Variants in PIKFYVE observed in about 807,000 individuals in gnomAD.
PIKFYVE encodes phosphoinositide kinase, FYVE-type zinc finger containing, also known as 1-phosphatidylinositol 3-phosphate 5-kinase.
A neutral mutation model predicts 257.9 loss-of-function variants in PIKFYVE; 122 were observed. The ratio of observed to expected loss-of-function variants is 0.47; its 90% CI spans 0.41 to 0.55. The LOEUF (loss-of-function observed/expected upper bound fraction) is 0.55. PIKFYVE is among the 20% of genes least tolerant of loss of function. The probability of loss-of-function intolerance (pLI) is 0.00; values close to 1 mark genes in which losing one functional copy is unlikely to be tolerated. For synonymous variants in PIKFYVE, 892 were observed against 868.9 expected (o/e 1.03, Z -0.47); for missense variants, 2,160 against 2,536.6 (o/e 0.85, Z 3.19).
chr2:208,277,713 A>G lies in PIKFYVE; in HGVS notation c.613+5A>G. 1 of 1,613,344 alleles carries G rather than the reference A, an allele frequency of 6.2e-7. No individual in the cohort carries two copies. Among genetic ancestry groups the G allele is most frequent in the Non-Finnish European group, 8.5e-7 (1 of 1,179,316 alleles). On this transcript the variant is annotated splice_donor_5th_base_variant and intron_variant, in intron 5 of 41. Transcript: ENST00000264380. ...GAAAATTTATGGGCTATACAGGTAA[A>G]TGCATTTTATTGCCAGTTTACAATT...
At chr2:208,312,565 T>C (rs1010560248) in intron 13 of PIKFYVE, among the ~76,000 whole-genome samples, 3 of 152,218 alleles carry the variant, frequency 2.0e-5, no homozygotes, top group African/African-American at 7.2e-5. Flanking sequence ...CTTAATTCTT[T>C]TAAAGACATA....
intron 29 of PIKFYVE, among the ~76,000 whole-genome samples, chr2:208,339,051 A>G (rs1025865962): frequency 1.3e-5 from 2 of 152,146 alleles, no homozygotes; most frequent in African/African-American, 2.4e-5. Flanking sequence ...TTCTATTATA[A>G]TTGCTTTTTC....
At chr2:208,286,759 A>G (rs1691628638) in intron 6 of PIKFYVE, among the ~76,000 whole-genome samples, 1 of 151,172 alleles carries the variant, frequency 6.6e-6, no homozygotes, top group African/African-American at 2.4e-5. Context: ...GCTTCAAGCG[A>G]TCCTCCCACC....
Position 208,357,277 on chromosome 2 carries a change from A to AT in PIKFYVE, c.*1978dup, listed in dbSNP as rs1455211664. ...TGCCAACACTGTTTTGTCTCTGTTCATTTTTTCTGTGAGGATACTTAAGGT... is the reference window on the plus strand; with the variant it reads ...TGCCAACACTGTTTTGTCTCTGTTCATTTTTTTCTGTGAGGATACTTAAGGT... On this transcript the variant is annotated 3_prime_UTR_variant, in exon 42 of 42. Transcript: ENST00000264380. The AT allele has an allele frequency of 2.6e-5, 4 of 151,966 alleles. No homozygotes were observed. The highest frequency in any genetic ancestry group is 5.9e-5 in the Non-Finnish European group (4 of 67,962). 9.4% of individuals were successfully genotyped at this position (151,966 alleles called of 1,614,324 possible). A position where few individuals can be genotyped will look rare whatever the true frequency, so the allele number is the denominator to read the frequency against.
chr2:208,339,981 A>T, intron 30 of PIKFYVE, 30 bp from the exon 31 acceptor site: 1 of 1,602,256 alleles, frequency 6.2e-7, no homozygotes, highest in South Asian at 1.1e-5. Context: ...TGTGAATATT[A>T]ATATATAAGT....
At chr2:208,318,523 C>G (rs1247729215) in intron 16 of PIKFYVE, among the ~76,000 whole-genome samples, 1 of 152,160 alleles carries the variant, frequency 6.6e-6, no homozygotes, top group African/African-American at 2.4e-5. Flanking sequence ...ATTCTGAAAT[C>G]TTTTGATTCT....
chr2:208,276,899 A>G, intron 4 of PIKFYVE, 69 bp downstream of exon 4: 1 of 1,291,192 alleles, frequency 7.7e-7, no homozygotes, highest in Non-Finnish European at 1.1e-6. Context: ...CCTAATGAAA[A>G]TGGCTTAATG....
At chr2:208,320,135 T>C (rs1454130994) in intron 16 of PIKFYVE, 117 bp from the exon 17 acceptor site, 1 of 1,353,392 alleles carries the variant, frequency 7.4e-7, no homozygotes, top group Admixed American at 2.7e-5. Flanking sequence ...TTAATACTAA[T>C]ATGAGATACA....
chr2:208,349,895 T>C (rs1189205031), intron 35 of PIKFYVE, 129 bp from the exon 36 acceptor site: 8 of 1,340,458 alleles, frequency 6.0e-6, no homozygotes, highest in Non-Finnish European at 8.1e-6. Context: ...TGCTTGATAG[T>C]GACTTGAGTA....
At chr2:208,327,080 T>C (rs1411291688) in intron 20 of PIKFYVE, among the ~76,000 whole-genome samples, 1 of 152,100 alleles carries the variant, frequency 6.6e-6, no homozygotes, top group African/African-American at 2.4e-5. Context: ...TGCTAAATAA[T>C]GTATGTTCAA....
chr2:208,281,960 C>G (rs990904009), intron 5 of PIKFYVE, among the ~76,000 whole-genome samples: 1 of 152,170 alleles, frequency 6.6e-6, no homozygotes. Flanking sequence ...GACCTAGAAA[C>G]TTTCAGATAA....
At chr2:208,342,854 GTGCAATCTCGGCTCAC>G (rs1402000734) in intron 32 of PIKFYVE, among the ~76,000 whole-genome samples, 1 of 149,284 alleles carries the variant, frequency 6.7e-6, no homozygotes, top group African/African-American at 2.5e-5. Flanking sequence ...GAGTGCAGTG[GTGCAATCTCGGCTCAC>G]TGCAACCTCT....
intron 31 of PIKFYVE, 33 bp downstream of exon 31, chr2:208,340,164 G>A: frequency 1.2e-6 from 2 of 1,611,056 alleles, no homozygotes; most frequent in Non-Finnish European, 1.7e-6. Context: ...GCTCTTAGCA[G>A]GGGGGTTATT....
chr2:208,286,351 A>C (rs2363466), intron 6 of PIKFYVE, among the ~76,000 whole-genome samples: 113,039 of 152,064 alleles, frequency 0.74, 44,252 homozygotes, highest in East Asian at 0.93. Flanking sequence ...CATATTTCCA[A>C]GTGAAATTAG....
intron 1 of PIKFYVE, among the ~76,000 whole-genome samples, chr2:208,269,066 G>T (rs1689069221): frequency 6.6e-6 from 1 of 152,046 alleles, no homozygotes; most frequent in Admixed American, 6.6e-5. Flanking sequence ...TGCCTCAAAG[G>T]TAAAATGTCA....
chr2:208,330,573 A>G lies in PIKFYVE; in HGVS notation c.3842A>G (p.His1281Arg). ...SMFCDTPMVH[H>R]IRRFVHGQGC... is the part of the protein sequence containing the mutation. ...TTCTGTGATACCCCCATGGTACATC[A>G]TATTCGGCGCTTTGTTCATGGCCAA... The change falls in exon 23 of 42, where the codon CAT becomes CGT. Residue 1281 changes from histidine to arginine, a missense_variant. His to Arg is a conservative substitution (Grantham distance 29, BLOSUM62 0). Around this residue, in one of 12 missense-constraint regions of PIKFYVE, gnomAD observed 55 missense variants for 103.0 expected, o/e 0.53. Coordinates refer to ENST00000264380, the MANE Select transcript of PIKFYVE (RefSeq NM_015040.4). The G allele has an allele frequency of 6.2e-7, 1 of 1,614,178 alleles. No homozygotes were observed. Among genetic ancestry groups the G allele is most frequent in the Non-Finnish European group, 8.5e-7 (1 of 1,180,030 alleles).
chr2:208,330,809 C>A, intron 23 of PIKFYVE, 115 bp downstream of exon 23: 1 of 1,045,856 alleles, frequency 9.6e-7, no homozygotes, highest in Non-Finnish European at 1.4e-6. Flanking sequence ...TGTTATAGAG[C>A]TCTATTTGTC....
intron 35 of PIKFYVE, 95 bp downstream of exon 35, chr2:208,348,118 G>T (rs1699409863): frequency 4.1e-6 from 6 of 1,472,286 alleles, no homozygotes; most frequent in Non-Finnish European, 5.7e-6. Context: ...ATAATTCTTA[G>T]TGCTGAAACT....
intron 7 of PIKFYVE, 56 bp downstream of exon 7, chr2:208,288,874 A>G: frequency 1.3e-6 from 2 of 1,596,668 alleles, no homozygotes. Context: ...TTTCATGCTA[A>G]TAAGAAGAAC....
Sources: gnomAD v4.1 joint callset for allele counts (sites outside exome capture counted in the v4.1 genomes callset) on GRCh38, gnomAD v4.1.1 for gene constraint, gnomAD v4.1.1 regional missense constraint, MANE v1.5 for transcripts, NCBI Gene and HGNC (gene_info 2026-07-23, HGNC 2026-07-21) for gene names.